The following GFRA1 variants were observed in gnomAD, a reference collection of about 807,000 sequenced individuals.
The protein encoded by GFRA1 is GDNF family receptor alpha 1.
Under a neutral mutation model 51.6 loss-of-function variants are expected in GFRA1, and 16 were observed. That is an observed-to-expected ratio of 0.31 (90% CI 0.21 to 0.47). GFRA1 has a LOEUF of 0.47. GFRA1 is among the 20% of genes least tolerant of loss of function. The pLI is 1.00. For missense variants in GFRA1, 530 were observed against 594.3 expected, an observed-to-expected ratio of 0.89 and a Z score of 1.13; for synonymous variants, 270 against 241.3, an observed-to-expected ratio of 1.12 and a Z score of -1.10.
chr10:116,154,011 C>CA (rs1337926596), intron 5 of GFRA1, among the ~76,000 whole-genome samples: 1 of 152,160 alleles, frequency 6.6e-6, no homozygotes, highest in Non-Finnish European at 1.5e-5. Context: ...AACATCATTA[C>CA]ATCAGGGAAA....
chr10:116,218,195 T>C (rs898204956), intron 4 of GFRA1, among the ~76,000 whole-genome samples: 1 of 152,148 alleles, frequency 6.6e-6, no homozygotes, highest in African/African-American at 2.4e-5. Context: ...CGGGTACCAC[T>C]CATTCCTTTA....
rs184512540 is a variant in GFRA1, at chr10:116,269,719, A to C, written c.335-133T>G. On this transcript the variant is annotated intron_variant, in intron 3 of 10. Transcript: ENST00000355422. ...ACGCTGAAACTTTGAAAGATTTCAA[A>C]TGCATCTCTTTCACTATGGTTATTT... 351 of 696,678 alleles carry C rather than the reference A, an allele frequency of 5.0e-4. 1 individual carries two copies. In the African/African-American group the frequency reaches 5.8e-3, roughly 12 times the overall value. 43.2% of individuals were successfully genotyped at this position (696,678 alleles called of 1,614,324 possible).
intron 5 of GFRA1, among the ~76,000 whole-genome samples, chr10:116,188,545 A>AGG (rs1962946012): frequency 2.0e-5 from 3 of 152,284 alleles, no homozygotes; most frequent in Non-Finnish European, 4.4e-5. Flanking sequence ...GATGGTGGTG[A>AGG]TGGCTGCACA....
intron 9 of GFRA1, among the ~76,000 whole-genome samples, chr10:116,082,104 T>C (rs77704923): frequency 0.016 from 2,402 of 152,276 alleles, 71 homozygotes; most frequent in African/African-American, 0.055. Flanking sequence ...GAATGTTTCA[T>C]GTTAACAACT....
intron 5 of GFRA1, among the ~76,000 whole-genome samples, chr10:116,183,751 C>A (rs560847573): frequency 4.4e-4 from 67 of 152,362 alleles, no homozygotes; most frequent in Non-Finnish European, 8.4e-4. Flanking sequence ...CAGCACCTTG[C>A]TCCCAGGCTC....
At chr10:116,192,475 A>G (rs565590114) in intron 5 of GFRA1, among the ~76,000 whole-genome samples, 1 of 152,300 alleles carries the variant, frequency 6.6e-6, no homozygotes, top group African/African-American at 2.4e-5. Flanking sequence ...GGTCATTCCA[A>G]ATCACATCAA....
intron 5 of GFRA1, among the ~76,000 whole-genome samples, chr10:116,201,486 A>AC (rs1964327571): frequency 6.6e-6 from 1 of 151,940 alleles, no homozygotes; most frequent in Admixed American, 6.6e-5. Flanking sequence ...TTTGGTCTCC[A>AC]CCTCCATTCA....
chr10:116,129,949 C>T (rs10787622), intron 5 of GFRA1, among the ~76,000 whole-genome samples: 54,188 of 150,946 alleles, frequency 0.36, 9,967 homozygotes, highest in East Asian at 0.41. Flanking sequence ...AATGTGATGC[C>T]TTGATATATG....
At chr10:116,075,935 G>A (rs1026003088) in intron 9 of GFRA1, among the ~76,000 whole-genome samples, 1 of 151,730 alleles carries the variant, frequency 6.6e-6, no homozygotes. Context: ...TAGTAGAGAC[G>A]GGGTTTCACC....
chr10:116,183,782 G>A (rs796372470), intron 5 of GFRA1, among the ~76,000 whole-genome samples: 4 of 152,334 alleles, frequency 2.6e-5, no homozygotes, highest in African/African-American at 7.2e-5. Flanking sequence ...GGGCAGGACA[G>A]CATCTCTGCC....
intron 6 of GFRA1, among the ~76,000 whole-genome samples, chr10:116,109,663 G>A (rs1957130138): frequency 6.6e-6 from 1 of 152,102 alleles, no homozygotes; most frequent in Admixed American, 6.5e-5. Context: ...CGGGCCCACG[G>A]GGAGAAACCC....
chr10:116,112,439 G>A (rs1222084973), intron 6 of GFRA1, among the ~76,000 whole-genome samples: 2 of 152,174 alleles, frequency 1.3e-5, no homozygotes, highest in Non-Finnish European at 2.9e-5. Context: ...ATCAGAAAGA[G>A]CAGAGGGGGG....
intron 5 of GFRA1, among the ~76,000 whole-genome samples, chr10:116,169,572 G>A (rs1960830279): frequency 6.6e-6 from 1 of 152,218 alleles, no homozygotes; most frequent in Admixed American, 6.5e-5. Context: ...AACATCAAGA[G>A]GAGAAGAGGC....
intron 6 of GFRA1, among the ~76,000 whole-genome samples, chr10:116,113,807 G>C (rs3847477): frequency 2.0e-5 from 3 of 152,172 alleles, no homozygotes; most frequent in African/African-American, 7.2e-5. Context: ...TCCTCATCCA[G>C]TGACAGGGAG....
At chr10:116,271,153 C>A in intron 2 of GFRA1, 38 bp from the exon 3 acceptor site, 1 of 1,551,534 alleles carries the variant, frequency 6.4e-7, no homozygotes. Flanking sequence ...GTGCGGCGGG[C>A]GGGGACCCCG....
chr10:116,078,344 A>C (rs889130920), intron 9 of GFRA1, among the ~76,000 whole-genome samples: 17 of 152,266 alleles, frequency 1.1e-4, no homozygotes, highest in African/African-American at 3.6e-4. Context: ...ACGTGGGTGG[A>C]TTCTGGGATG....
At chr10:116,186,396 T>C (rs981539570) in intron 5 of GFRA1, among the ~76,000 whole-genome samples, 5 of 152,176 alleles carry the variant, frequency 3.3e-5, no homozygotes, top group Admixed American at 1.3e-4. Context: ...TGGCAGCTCC[T>C]AACGACTGAT....
intron 9 of GFRA1, among the ~76,000 whole-genome samples, chr10:116,085,200 G>A (rs141772709): frequency 5.3e-5 from 8 of 152,320 alleles, no homozygotes; most frequent in Non-Finnish European, 1.2e-4. Context: ...AAACAGAACT[G>A]CGTTTGGTTT....
intron 6 of GFRA1, among the ~76,000 whole-genome samples, chr10:116,107,922 A>C (rs1369869249): frequency 1.3e-5 from 2 of 152,014 alleles, no homozygotes; most frequent in Admixed American, 1.3e-4. Flanking sequence ...AATTTGTGAA[A>C]CCCCCTACTT....
Sources: gnomAD v4.1 joint callset for allele counts (sites outside exome capture counted in the v4.1 genomes callset) on GRCh38, gnomAD v4.1.1 for gene constraint, MANE v1.5 for transcripts, NCBI Gene and HGNC (gene_info 2026-07-23, HGNC 2026-07-21) for gene names.